TRIM52: variants seen among roughly 807,000 people sequenced by gnomAD.
TRIM52 encodes tripartite motif containing 52, also known as E3 ubiquitin-protein ligase TRIM52.
In TRIM52, 24 loss-of-function variants were observed where a neutral mutation model predicts 27.0. That is an observed-to-expected ratio of 0.89 (90% CI 0.64 to 1.25). The LOEUF is 1.25. TRIM52 is among the 50% of genes most tolerant of loss of function. The probability of loss-of-function intolerance (pLI) is 0.00; values close to 1 mark genes in which losing one functional copy is unlikely to be tolerated. For synonymous variants in TRIM52, 125 were observed against 126.5 expected (o/e 0.99, Z 0.08); for missense variants, 351 against 354.7 (o/e 0.99, Z 0.08).
At chr5:181,250,877 T>C (rs1468255182), downstream of TRIM52, among the ~76,000 whole-genome samples, 1 of 152,206 alleles carries the variant, frequency 6.6e-6, no homozygotes, top group Non-Finnish European at 1.5e-5. Flanking sequence ...AAAGGGGATG[T>C]GAGCTCCATG....
In TRIM52 at chr5:181,260,765, C is replaced by T. The variant is rs765351670; in HGVS notation, c.49G>A (p.Glu17Lys). The T allele has an allele frequency of 3.1e-6, 5 of 1,612,648 alleles. No individual in the cohort carries two copies. In the Admixed American group the frequency reaches 6.7e-5, roughly 22 times the overall value. ...TPSPMQTLQEEAVCAICLDYF... is the reference protein window; with the variant it reads ...TPSPMQTLQEKAVCAICLDYF... ...TCCAAGCAGATGGCACACACCGCTT[C>T]CTCCTGAAGGGTCTGCATGGGGCTG... Residue 17 changes from glutamate (E) to lysine (K), a missense_variant, in exon 1 of 2, where the codon GAA becomes AAA. Glu to Lys is a moderately conservative substitution (Grantham distance 56). Coordinates refer to ENST00000688015, the MANE Select transcript of TRIM52 (RefSeq NM_001346048.2). This position sits in a 1 kb window ranked among gnomAD's most constrained non-coding sequence, Gnocchi z 4.4.
rs144872799 is a variant in TRIM52, at chr5:181,257,683, A to G, written c.814-824T>C. ...TGTTTACCAATGGAAGGAAGTGACA[A>G]TGAACTGCCTAAAGAATGAAAGAGA... On this transcript the variant is annotated intron_variant, in intron 1 of 1. Coordinates refer to ENST00000688015, the MANE Select transcript of TRIM52 (RefSeq NM_001346048.2). The G allele has an allele frequency of 7.2e-5, 30 of 418,778 alleles. No individual in the cohort carries two copies. In the East Asian group the frequency reaches 1.2e-3, roughly 17 times the overall value. 25.9% of individuals were successfully genotyped at this position (418,778 alleles called of 1,614,324 possible).
At chr5:181,249,187 C>CA (rs1759584973), downstream of TRIM52, among the ~76,000 whole-genome samples, 1 of 152,190 alleles carries the variant, frequency 6.6e-6, no homozygotes, top group Non-Finnish European at 1.5e-5. Flanking sequence ...GTATTCAAGA[C>CA]AAATGAGTCA....
chr5:181,253,620 A>T (rs1412923850), downstream of TRIM52, among the ~76,000 whole-genome samples: 1 of 142,866 alleles, frequency 7.0e-6, no homozygotes, highest in Non-Finnish European at 1.5e-5. Flanking sequence ...AGATGCTACT[A>T]AGTATCCTAT....
At chr5:181,257,234 AG>A in intron 1 of TRIM52, 1 of 1,283,022 alleles carries the variant, frequency 7.8e-7, no homozygotes, top group Non-Finnish European at 9.9e-7. Flanking sequence ...ACAAACTGGA[AG>A]ATGTAAAATA....
In TRIM52 at chr5:181,260,678, G is replaced by A. The variant is rs1561691934; in HGVS notation, c.136C>T (p.Gln46Ter). The stretch of plus-strand genomic sequence containing the variant: ...TCCTCGTCCTCCTTACTCCACAGCT[G>A]GGTCACACACCCTCGGCAGAAGTTG... ...GHNFCRGCVT[Q>*]LWSKEDEEDQ... Residue 46 changes from glutamine (Q) to a stop codon, truncating the protein, a stop_gained, in exon 1 of 2, where the codon CAG becomes TAG. Transcript: ENST00000688015. LOFTEE classifies it high-confidence loss of function. This position sits in a 1 kb window ranked among gnomAD's most constrained non-coding sequence, Gnocchi z 4.4. 1 of 1,613,914 alleles carries A rather than the reference G, an allele frequency of 6.2e-7. No homozygotes were observed. The highest frequency in any genetic ancestry group is 1.3e-5 in the African/African-American group (1 of 74,968).
chr5:181,258,299 A>C (rs1435256543), intron 1 of TRIM52: 2 of 152,256 alleles, frequency 1.3e-5, no homozygotes, highest in African/African-American at 4.8e-5. Context: ...CTGAGGCAGG[A>C]GGATCGCTTG....
intron 1 of TRIM52, chr5:181,258,575 G>A (rs1759888590): frequency 6.6e-6 from 1 of 151,726 alleles, no homozygotes; most frequent in Non-Finnish European, 1.5e-5. Context: ...AGTGACTTAT[G>A]GTTAGATTTG....
Position 181,260,955 on chromosome 5 carries a change from T to C in TRIM52, c.-142A>G. Reference sequence around the variant, plus strand: ...TCTTCCTCGGGGCCGCAGGGGAGCTTTGACCCCCTCTCTCAGGGTGCGAAC... The same window carrying C: ...TCTTCCTCGGGGCCGCAGGGGAGCTCTGACCCCCTCTCTCAGGGTGCGAAC... On this transcript the variant is annotated 5_prime_UTR_variant, in exon 1 of 2. Coordinates refer to ENST00000688015, the MANE Select transcript of TRIM52 (RefSeq NM_001346048.2). This position sits in a 1 kb window ranked among gnomAD's most constrained non-coding sequence, Gnocchi z 4.4. 2.3e-6 allele frequency: 3 copies of C among 1,281,950 alleles called. No homozygotes were observed. Among genetic ancestry groups the C allele is most frequent in the Non-Finnish European group, 2.1e-6 (2 of 960,238 alleles). 79.4% of individuals were successfully genotyped at this position (1,281,950 alleles called of 1,614,324 possible).
At position 181,255,819 on chromosome 5, in the gene TRIM52, A is replaced by AT. The variant is rs1759752351; in HGVS notation, c.*989dup. The stretch of plus-strand genomic sequence containing the variant: ...TCAGTGTGTTAAAACTCTGTTGAAA[A>AT]TTTTAACTTTTGAAATGTTCAAGTA... On this transcript the variant is annotated 3_prime_UTR_variant, in exon 2 of 2. Transcript: ENST00000688015. 6.6e-6 allele frequency: 1 copy of AT among 152,188 alleles called. No individual in the cohort carries two copies. The highest frequency in any genetic ancestry group is 1.5e-5 in the Non-Finnish European group (1 of 68,040). The allele number at this position is 152,188 out of a possible 1,614,324, so 9.4% of individuals were successfully genotyped here.
At chr5:181,256,952 C>T in intron 1 of TRIM52, 93 bp from the exon 2 acceptor site, 2 of 985,942 alleles carry the variant, frequency 2.0e-6, no homozygotes, top group Non-Finnish European at 2.4e-6. Flanking sequence ...AACAGAAAAA[C>T]AAGGAGTACT....
Position 181,260,797 on chromosome 5 carries a change from G to C in TRIM52, c.17C>G (p.Thr6Ser). The C allele has an allele frequency of 6.3e-7, 1 of 1,594,484 alleles. No individual in the cohort carries two copies. Among genetic ancestry groups the C allele is most frequent in the Non-Finnish European group, 8.6e-7 (1 of 1,166,694 alleles). The change falls in exon 1 of 2, where the codon ACT becomes AGT. Residue 6 changes from threonine (T) to serine (S), a missense_variant. By Grantham distance (58) the Thr-to-Ser change is moderately conservative (BLOSUM62 1). Coordinates refer to ENST00000688015, the MANE Select transcript of TRIM52 (RefSeq NM_001346048.2). This position sits in a 1 kb window ranked among gnomAD's most constrained non-coding sequence, Gnocchi z 4.4. Reference protein sequence around the residue: MAGYATTPSPMQTLQE... With the variant: MAGYASTPSPMQTLQE... ...AAGGGTCTGCATGGGGCTGGGAGTA[G>C]TGGCATAACCAGCCATCTTAATGCC...
At chr5:181,251,202 G>A (rs1421045389), downstream of TRIM52, among the ~76,000 whole-genome samples, 1 of 152,064 alleles carries the variant, frequency 6.6e-6, no homozygotes, top group Admixed American at 6.6e-5. Context: ...GCTGAGGCAG[G>A]AGAACTGCTT....
chr5:181,258,029 A>C (rs1759859039), intron 1 of TRIM52: 1 of 151,520 alleles, frequency 6.6e-6, no homozygotes, highest in South Asian at 2.1e-4. Context: ...AAATAAAAAA[A>C]GATTTGTGTC....
intron 1 of TRIM52, 51 bp downstream of exon 1, chr5:181,259,950 T>TCATTCCTC: frequency 6.2e-7 from 1 of 1,612,106 alleles, no homozygotes; most frequent in East Asian, 2.2e-5. Flanking sequence ...TCAGCTCTCC[T>TCATTCCTC]AGTTACCTTT....
rs1258165590 is a variant in TRIM52 at position 181,260,913 on chromosome 5, G to T, written c.-100C>A. On this transcript the variant is annotated 5_prime_UTR_variant, in exon 1 of 2. Transcript: ENST00000688015. This position sits in a 1 kb window ranked among gnomAD's most constrained non-coding sequence, Gnocchi z 4.4. ...CAAACTACTCTGGTGACCCGAGGCTGTCCTCAACCTTGCTCTTCTTCCTCG... is the reference window on the plus strand; with the variant it reads ...CAAACTACTCTGGTGACCCGAGGCTTTCCTCAACCTTGCTCTTCTTCCTCG... 6.9e-6 allele frequency: 10 copies of T among 1,457,282 alleles called. No homozygotes were observed. The highest frequency in any genetic ancestry group is 9.1e-6 in the Non-Finnish European group (10 of 1,103,410). 90.3% of individuals were successfully genotyped at this position (1,457,282 alleles called of 1,614,324 possible).
intron 1 of TRIM52, chr5:181,259,347 C>T (rs1470504224): frequency 1.3e-5 from 2 of 155,500 alleles, no homozygotes; most frequent in African/African-American, 4.8e-5. Context: ...ATCCCGCACT[C>T]CTTCCACTAT....
chr5:181,257,572 C>T (rs1759836318), intron 1 of TRIM52: 2 of 1,190,588 alleles, frequency 1.7e-6, no homozygotes, highest in Non-Finnish European at 2.3e-6. Flanking sequence ...TTAAATAAAC[C>T]ATTATACAAA....
Position 181,256,075 on chromosome 5 carries a change from G to C in TRIM52, c.*734C>G, listed in dbSNP as rs1759763279. On this transcript the variant is annotated 3_prime_UTR_variant, in exon 2 of 2. Coordinates refer to ENST00000688015, the MANE Select transcript of TRIM52 (RefSeq NM_001346048.2). Reference sequence around the variant, plus strand: ...AGTAGGTTATGGGTAATCAGTGAAAGTTCATGCTTGGTGGTGACAGCTGCA... The same window carrying C: ...AGTAGGTTATGGGTAATCAGTGAAACTTCATGCTTGGTGGTGACAGCTGCA... 6.6e-6 allele frequency: 1 copy of C among 152,228 alleles called. No individual in the cohort carries two copies. The highest frequency in any genetic ancestry group is 1.5e-5 in the Non-Finnish European group (1 of 68,042). 9.4% of individuals were successfully genotyped at this position (152,228 alleles called of 1,614,324 possible). A position where few individuals can be genotyped will look rare whatever the true frequency, so the allele number is the denominator to read the frequency against.
Sources: gnomAD v4.1 joint callset for allele counts (sites outside exome capture counted in the v4.1 genomes callset) on GRCh38, gnomAD v4.1.1 for gene constraint, Gnocchi (gnomAD v3.1) non-coding constraint, MANE v1.5 for transcripts, NCBI Gene and HGNC (gene_info 2026-07-23, HGNC 2026-07-21) for gene names.